RNF180: variants seen among roughly 807,000 people sequenced by gnomAD.
RNF180 encodes ring finger protein 180.
A neutral mutation model predicts 59.2 loss-of-function variants in RNF180; 38 were observed. That is an observed-to-expected ratio of 0.64 (90% CI 0.50 to 0.84). The LOEUF (loss-of-function observed/expected upper bound fraction) is 0.84, where lower values mean the gene tolerates loss of function less well. RNF180 is among the 40% of genes least tolerant of loss of function. The pLI, the probability that RNF180 is intolerant of heterozygous loss-of-function variation, is 0.00. For missense variants in RNF180, 705 were observed against 700.9 expected, an observed-to-expected ratio of 1.01 and a Z score of -0.07; for synonymous variants, 262 against 240.3, an observed-to-expected ratio of 1.09 and a Z score of -0.84.
intron 1 of RNF180, among the ~76,000 whole-genome samples, chr5:64,175,657 A>G (rs1471410612): frequency 6.6e-6 from 1 of 152,002 alleles, no homozygotes; most frequent in Non-Finnish European, 1.5e-5. Flanking sequence ...GAAAAATGTC[A>G]TTGGTATTTT....
At chr5:64,291,918 C>T (rs907656405) in intron 5 of RNF180, among the ~76,000 whole-genome samples, 2 of 152,072 alleles carry the variant, frequency 1.3e-5, no homozygotes, top group East Asian at 1.9e-4. Flanking sequence ...TTCTGTCCTT[C>T]GCTTGATCTC....
At chr5:64,183,309 A>C (rs139600348) in intron 1 of RNF180, among the ~76,000 whole-genome samples, 117 of 152,270 alleles carry the variant, frequency 7.7e-4, no homozygotes, top group African/African-American at 2.8e-3. Context: ...CTACACTAAA[A>C]AATGATAGCT....
chr5:64,282,004 G>T (rs931234108), intron 5 of RNF180, among the ~76,000 whole-genome samples: 1 of 152,120 alleles, frequency 6.6e-6, no homozygotes, highest in Admixed American at 6.5e-5. Flanking sequence ...AATTTGGTTT[G>T]CAAGTATTTT....
At chr5:64,340,629 C>T (rs2112562473) in intron 7 of RNF180, among the ~76,000 whole-genome samples, 1 of 152,284 alleles carries the variant, frequency 6.6e-6, no homozygotes, top group African/African-American at 2.4e-5. Context: ...TGCCTTGGAG[C>T]TGAAAGGTAC....
chr5:64,188,480 T>G (rs1044541206), intron 1 of RNF180, among the ~76,000 whole-genome samples: 1 of 152,202 alleles, frequency 6.6e-6, no homozygotes, highest in Non-Finnish European at 1.5e-5. Context: ...GAAATATTAT[T>G]TGCCCTGAGA....
intron 7 of RNF180, among the ~76,000 whole-genome samples, chr5:64,348,361 A>C (rs1418558894): frequency 6.6e-6 from 1 of 152,106 alleles, no homozygotes; most frequent in Non-Finnish European, 1.5e-5. Context: ...AAAAGCCTTG[A>C]GTTCACTGTG....
chr5:64,335,655 A>G (rs1263478000), intron 7 of RNF180, among the ~76,000 whole-genome samples: 2 of 152,124 alleles, frequency 1.3e-5, no homozygotes. Flanking sequence ...TCCTATAGCA[A>G]TACCATACTG....
Position 64,256,595 on chromosome 5 carries a change from T to G in RNF180, c.1227+39199T>G, listed in dbSNP as rs59284334. ...TTGGTACCAGTACCATGCTGTTTTG[T>G]TTACTGCAGCCTTGCAGTATAGTTT... is the stretch of plus-strand genomic sequence containing the variant. On this transcript the variant is annotated intron_variant, in intron 5 of 7. Coordinates refer to ENST00000389100, the MANE Select transcript of RNF180 (RefSeq NM_001113561.2). Among the ~76,000 whole-genome samples the G allele has an allele frequency of 7.2e-3, 1,090 of 152,244 alleles. 13 individuals are homozygous for G. Among genetic ancestry groups the G allele is most frequent in the African/African-American group, 0.023 (966 of 41,552 alleles).
At chr5:64,289,924 A>G (rs1168808128) in intron 5 of RNF180, among the ~76,000 whole-genome samples, 3 of 151,886 alleles carry the variant, frequency 2.0e-5, no homozygotes, top group African/African-American at 7.3e-5. Flanking sequence ...GTCTTCTGCT[A>G]GCTTTAGGGT....
At chr5:64,204,762 A>T (rs913550682) in intron 2 of RNF180, among the ~76,000 whole-genome samples, 25 of 152,072 alleles carry the variant, frequency 1.6e-4, no homozygotes, top group African/African-American at 5.6e-4. Flanking sequence ...CTCTCCTTCT[A>T]CTGAATACCA....
At chr5:64,345,568 T>G (rs77453907) in intron 7 of RNF180, among the ~76,000 whole-genome samples, 7,468 of 152,242 alleles carry the variant, frequency 0.049, 609 homozygotes, top group African/African-American at 0.16. Context: ...CAGTCTATAG[T>G]CTAAGCAATT....
intron 1 of RNF180, among the ~76,000 whole-genome samples, chr5:64,175,761 G>T (rs1009364254): frequency 6.6e-6 from 1 of 152,032 alleles, no homozygotes; most frequent in South Asian, 2.1e-4. Context: ...CTATATATTT[G>T]CATCCTCTTC....
At chr5:64,294,880 A>G (rs1245159602) in intron 5 of RNF180, among the ~76,000 whole-genome samples, 1 of 152,034 alleles carries the variant, frequency 6.6e-6, no homozygotes, top group African/African-American at 2.4e-5. Flanking sequence ...CCCAATCCTC[A>G]CCAAGACATA....
chr5:64,354,998 T>C (rs1039055113), intron 7 of RNF180, among the ~76,000 whole-genome samples: 3 of 151,878 alleles, frequency 2.0e-5, no homozygotes, highest in Admixed American at 6.6e-5. Flanking sequence ...GCTTTCCCCC[T>C]AAAATTAGGA....
intron 7 of RNF180, among the ~76,000 whole-genome samples, chr5:64,349,788 T>C (rs1745714944): frequency 2.0e-5 from 3 of 152,188 alleles, no homozygotes; most frequent in Admixed American, 1.3e-4. Flanking sequence ...TATGGCTGCA[T>C]AGTATTCCAT....
chr5:64,306,405 A>G lies in RNF180; in HGVS notation c.1228-18781A>G, dbSNP rs183696864. On this transcript the variant is annotated intron_variant, in intron 5 of 7. Coordinates refer to ENST00000389100, the MANE Select transcript of RNF180 (RefSeq NM_001113561.2). Reference sequence around the variant, plus strand: ...TAGGTGTCTGTTTTTGAATGAAAGGATAAAATACATAGGCTAGCCAGCATA... The same window carrying G: ...TAGGTGTCTGTTTTTGAATGAAAGGGTAAAATACATAGGCTAGCCAGCATA... Among the ~76,000 whole-genome samples, 3 of 151,854 alleles carry G rather than the reference A, an allele frequency of 2.0e-5. No homozygotes were observed. In the East Asian group the frequency reaches 5.8e-4, roughly 29 times the overall value.
At chr5:64,333,136 C>T (rs180943640) in intron 7 of RNF180, among the ~76,000 whole-genome samples, 1 of 152,228 alleles carries the variant, frequency 6.6e-6, no homozygotes, top group Admixed American at 6.5e-5. Flanking sequence ...AATTTAATAT[C>T]TAGAGATTTG....
intron 5 of RNF180, among the ~76,000 whole-genome samples, chr5:64,236,400 C>G (rs1742442826): frequency 6.6e-6 from 1 of 152,106 alleles, no homozygotes. Context: ...AAGAGGTGAC[C>G]TGGTTTATTC....
chr5:64,196,011 C>T (rs1751439048), intron 1 of RNF180, among the ~76,000 whole-genome samples: 1 of 152,144 alleles, frequency 6.6e-6, no homozygotes, highest in African/African-American at 2.4e-5. Flanking sequence ...TGACTGTGGT[C>T]AGGAATTGAT....
Sources: gnomAD v4.1 joint callset for allele counts (sites outside exome capture counted in the v4.1 genomes callset) on GRCh38, gnomAD v4.1.1 for gene constraint, MANE v1.5 for transcripts, NCBI Gene and HGNC (gene_info 2026-07-23, HGNC 2026-07-21) for gene names.